Variants in NKAIN2 observed in about 807,000 individuals in gnomAD.
The protein encoded by NKAIN2 is sodium/potassium-transporting ATPase subunit beta-1-interacting protein 2.
A neutral mutation model predicts 32.6 loss-of-function variants in NKAIN2; 14 were observed. That is an observed-to-expected ratio of 0.43 (90% CI 0.28 to 0.67). The LOEUF is 0.67. NKAIN2 is among the 30% of genes least tolerant of loss of function. The probability of loss-of-function intolerance (pLI) is 0.17; values close to 1 mark genes in which losing one functional copy is unlikely to be tolerated. For synonymous variants in NKAIN2, 80 were observed against 87.2 expected (o/e 0.92, Z 0.46); for missense variants, 198 against 258.3 (o/e 0.77, Z 1.60).
At chr6:124,291,619 A>G (rs1211628504) in intron 2 of NKAIN2, among the ~76,000 whole-genome samples, 1 of 152,106 alleles carries the variant, frequency 6.6e-6, no homozygotes, top group Non-Finnish European at 1.5e-5. Context: ...AGGGAAGATT[A>G]ATCACTGGAG....
At chr6:123,841,879 C>G (rs1388560026) in intron 1 of NKAIN2, among the ~76,000 whole-genome samples, 1 of 152,160 alleles carries the variant, frequency 6.6e-6, no homozygotes, top group Non-Finnish European at 1.5e-5. Flanking sequence ...CCTTGTCAGT[C>G]AAGCAACTAT....
chr6:124,788,493 T>C (rs961717460), intron 4 of NKAIN2, among the ~76,000 whole-genome samples: 8 of 152,016 alleles, frequency 5.3e-5, no homozygotes, highest in Non-Finnish European at 1.0e-4. Context: ...GACTCACACT[T>C]CAGCATGGCT....
chr6:124,156,104 A>G (rs1024929326), intron 1 of NKAIN2, among the ~76,000 whole-genome samples: 5 of 152,072 alleles, frequency 3.3e-5, no homozygotes, highest in African/African-American at 1.2e-4. Context: ...ATTCTGAGCT[A>G]GGGGTGACTT....
At chr6:124,757,946 A>G (rs1157151374) in intron 4 of NKAIN2, among the ~76,000 whole-genome samples, 1 of 152,186 alleles carries the variant, frequency 6.6e-6, no homozygotes, top group East Asian at 1.9e-4. Context: ...ATGTCACTTT[A>G]TGAGATTCTC....
intron 3 of NKAIN2, among the ~76,000 whole-genome samples, chr6:124,419,523 T>C (rs9482555): frequency 0.033 from 4,991 of 152,260 alleles, 264 homozygotes; most frequent in African/African-American, 0.11. Context: ...AGGAGGCTGC[T>C]GAATTCCAAA....
chr6:124,696,801 C>T (rs143076202), intron 4 of NKAIN2, among the ~76,000 whole-genome samples: 1,587 of 147,344 alleles, frequency 0.011, 13 homozygotes, highest in South Asian at 0.04. Context: ...AAATAAGTAG[C>T]TGTATAGGTC....
chr6:124,697,071 C>A (rs746394091), intron 4 of NKAIN2, among the ~76,000 whole-genome samples: 1 of 152,022 alleles, frequency 6.6e-6, no homozygotes, highest in African/African-American at 2.4e-5. Flanking sequence ...TAATATTAAT[C>A]GTTTTTCCCC....
chr6:124,741,785 T>A (rs943687336), intron 4 of NKAIN2, among the ~76,000 whole-genome samples: 5 of 151,924 alleles, frequency 3.3e-5, no homozygotes, highest in Non-Finnish European at 5.9e-5. Flanking sequence ...TGGTCTTTTT[T>A]ATTATCCTCA....
chr6:123,808,128 A>G (rs1430431162), intron 1 of NKAIN2, among the ~76,000 whole-genome samples: 1 of 152,172 alleles, frequency 6.6e-6, no homozygotes, highest in Non-Finnish European at 1.5e-5. Flanking sequence ...TACTTTTTAG[A>G]AAATAAAGCG....
intron 4 of NKAIN2, among the ~76,000 whole-genome samples, chr6:124,708,500 T>C (rs1004702904): frequency 6.6e-6 from 1 of 152,186 alleles, no homozygotes; most frequent in Non-Finnish European, 1.5e-5. Context: ...CATTTGTTTG[T>C]ATCCTCTTTT....
At chr6:124,224,889 T>C (rs722577) in intron 1 of NKAIN2, among the ~76,000 whole-genome samples, 13,332 of 152,074 alleles carry the variant, frequency 0.088, 1,269 homozygotes, top group African/African-American at 0.23. Context: ...TGGCTATTTA[T>C]TGAACAGGAA....
intron 4 of NKAIN2, among the ~76,000 whole-genome samples, chr6:124,711,393 G>A (rs1161368968): frequency 1.5e-5 from 2 of 131,450 alleles, no homozygotes; most frequent in Non-Finnish European, 1.6e-5. Flanking sequence ...AAGTTCTCCT[G>A]GATAATATCC....
chr6:123,919,631 C>T (rs1447765985), intron 1 of NKAIN2, among the ~76,000 whole-genome samples: 1 of 152,074 alleles, frequency 6.6e-6, no homozygotes, highest in Non-Finnish European at 1.5e-5. Flanking sequence ...TTGAAACCTA[C>T]ATGGTGTGTT....
At chr6:124,675,385 T>A (rs1773306028) in intron 4 of NKAIN2, among the ~76,000 whole-genome samples, 1 of 152,122 alleles carries the variant, frequency 6.6e-6, no homozygotes, top group South Asian at 2.1e-4. Context: ...GGTTCTGATA[T>A]CAGGACAATG....
chr6:124,663,358 G>A (rs1772586136), intron 4 of NKAIN2, among the ~76,000 whole-genome samples: 1 of 152,108 alleles, frequency 6.6e-6, no homozygotes, highest in South Asian at 2.1e-4. Context: ...TTGAAACTGG[G>A]AGGTGGAGGT....
At chr6:123,979,020 C>G (rs532643079) in intron 1 of NKAIN2, among the ~76,000 whole-genome samples, 1 of 152,192 alleles carries the variant, frequency 6.6e-6, no homozygotes, top group African/African-American at 2.4e-5. Flanking sequence ...AAAGAGATAG[C>G]CTTAGATAAA....
intron 4 of NKAIN2, among the ~76,000 whole-genome samples, chr6:124,706,336 T>G (rs1484808133): frequency 6.6e-6 from 1 of 152,084 alleles, no homozygotes; most frequent in Non-Finnish European, 1.5e-5. Flanking sequence ...CCAAGATTAC[T>G]CCTAATAAAT....
chr6:124,232,801 G>A (rs946256772), intron 1 of NKAIN2, among the ~76,000 whole-genome samples: 5 of 152,104 alleles, frequency 3.3e-5, no homozygotes, highest in African/African-American at 9.7e-5. Context: ...CTATTTTCCA[G>A]TATATTCTGT....
At chr6:124,626,549 G>A (rs1783354101) in intron 3 of NKAIN2, among the ~76,000 whole-genome samples, 1 of 152,054 alleles carries the variant, frequency 6.6e-6, no homozygotes, top group African/African-American at 2.4e-5. Flanking sequence ...CAACATCCAG[G>A]AAATCCATTA....
Sources: allele counts gnomAD v4.1 joint callset (sites outside exome capture counted in the v4.1 genomes callset), GRCh38; gene constraint gnomAD v4.1.1; transcripts MANE v1.5; gene names NCBI Gene and HGNC (gene_info 2026-07-23, HGNC 2026-07-21).